The following RICTOR variants were observed in gnomAD, a reference collection of about 807,000 sequenced individuals.
RICTOR encodes the protein rapamycin-insensitive companion of mTOR.
RICTOR carries 49 observed loss-of-function variants against 214.9 expected under a neutral mutation model. The observed-to-expected ratio is 0.23, with a 90% CI of 0.18 to 0.29. RICTOR has a LOEUF of 0.29. Among genes scored for constraint, RICTOR ranks in the 10% least tolerant of loss-of-function variants. The pLI is 1.00. For missense variants in RICTOR, 1,625 were observed against 2,047.0 expected, an observed-to-expected ratio of 0.79 and a Z score of 3.98; for synonymous variants, 717 against 711.3, an observed-to-expected ratio of 1.01 and a Z score of -0.13.
intron 2 of RICTOR, 59 bp downstream of exon 2, chr5:39,074,052 C>T: frequency 7.2e-7 from 1 of 1,394,626 alleles, no homozygotes; most frequent in Non-Finnish European, 9.6e-7. Flanking sequence ...GCCCCCAGCC[C>T]CGGACCCGGC....
At chr5:39,046,414 A>G (rs1197513924) in intron 2 of RICTOR, among the ~76,000 whole-genome samples, 1 of 146,512 alleles carries the variant, frequency 6.8e-6, no homozygotes, top group Non-Finnish European at 1.5e-5. Context: ...TGCTTTGCCC[A>G]TTGTTTTCTA....
At chr5:39,049,176 C>G (rs1053503196) in intron 2 of RICTOR, among the ~76,000 whole-genome samples, 11 of 152,106 alleles carry the variant, frequency 7.2e-5, no homozygotes, top group African/African-American at 2.7e-4. Flanking sequence ...CCCACTAACT[C>G]ATCCAACCAA....
At position 38,942,821 on chromosome 5, in the gene RICTOR, A is replaced by G. The variant is rs778025826; in HGVS notation, c.5052+12T>C. On this transcript the variant is annotated intron_variant, in intron 37 of 37. Coordinates refer to ENST00000357387, the MANE Select transcript of RICTOR (RefSeq NM_152756.5). ...TTGGAAGATAAATTTGAGAAGTACT[A>G]ATCATACTTACTTGTAGAAACTGTA... The G allele has an allele frequency of 9.5e-6, 15 of 1,574,572 alleles. No homozygotes were observed. In the South Asian group the frequency reaches 1.3e-4, roughly 14 times the overall value.
intron 2 of RICTOR, among the ~76,000 whole-genome samples, chr5:39,049,262 A>G (rs1757692431): frequency 6.6e-6 from 1 of 152,148 alleles, no homozygotes; most frequent in African/African-American, 2.4e-5. Flanking sequence ...ACAAGTAAAC[A>G]GCAAAATAAG....
At chr5:39,014,588 A>G (rs1396100824) in intron 3 of RICTOR, among the ~76,000 whole-genome samples, 1 of 152,192 alleles carries the variant, frequency 6.6e-6, no homozygotes, top group Non-Finnish European at 1.5e-5. Flanking sequence ...ATAGGAAAAG[A>G]GAACTTTTAA....
chr5:39,000,285 C>G (rs1580060294), intron 5 of RICTOR, among the ~76,000 whole-genome samples: 1 of 151,446 alleles, frequency 6.6e-6, no homozygotes, highest in Non-Finnish European at 1.5e-5. Context: ...AATATGAAAA[C>G]AAGGCCATAT....
intron 10 of RICTOR, among the ~76,000 whole-genome samples, chr5:38,973,789 T>C (rs552957114): frequency 1.3e-5 from 2 of 152,300 alleles, no homozygotes; most frequent in South Asian, 2.1e-4. Context: ...TGTGCTAATA[T>C]GGAAAACAGG....
rs1445301633 is a variant in RICTOR at position 38,957,655 on chromosome 5, G to A, written c.2496C>T (p.His832=). The A allele has an allele frequency of 2.0e-6, 3 of 1,518,566 alleles. No homozygotes were observed. Among genetic ancestry groups the A allele is most frequent in the Non-Finnish European group, 2.7e-6 (3 of 1,101,774 alleles). The allele number at this position is 1,518,566 out of a possible 1,614,324, so 94.1% of individuals were successfully genotyped here. ...GYVAKQLEKW[H]REYNSKYVDL... ...CTTTATTCAAATAAGAAGTTACCCT[G>A]TGCCACTTTTCCAATTGTTTTGCTA... Residue 832 remains histidine, a synonymous_variant, in exon 25 of 38, where the codon CAC becomes CAT. Transcript: ENST00000357387.
chr5:39,028,550 A>C (rs1285714070), intron 2 of RICTOR, among the ~76,000 whole-genome samples: 1 of 152,170 alleles, frequency 6.6e-6, no homozygotes, highest in African/African-American at 2.4e-5. Flanking sequence ...TTGGCAACAT[A>C]CATCTGTCAA....
chr5:38,948,977 A>G (rs1038377572), intron 31 of RICTOR, among the ~76,000 whole-genome samples: 2 of 152,096 alleles, frequency 1.3e-5, no homozygotes, highest in Admixed American at 1.3e-4. Context: ...ATTCTAACAT[A>G]TATTGTTGAC....
intron 11 of RICTOR, 132 bp downstream of exon 11, chr5:38,971,745 C>G (rs2150042010): frequency 1.7e-6 from 1 of 589,242 alleles, no homozygotes; most frequent in South Asian, 2.1e-5. Context: ...ATATTTACTT[C>G]TGTATTTTAA....
At chr5:38,967,495 C>T in intron 12 of RICTOR, 68 bp from the exon 13 acceptor site, 1 of 1,171,280 alleles carries the variant, frequency 8.5e-7, no homozygotes, top group Non-Finnish European at 1.2e-6. Flanking sequence ...AAGTATAAAA[C>T]CATCAGCTAG....
intron 2 of RICTOR, among the ~76,000 whole-genome samples, chr5:39,040,239 T>C (rs1484117160): frequency 1.4e-5 from 2 of 146,792 alleles, no homozygotes; most frequent in Non-Finnish European, 3.0e-5. Context: ...ACACCACATG[T>C]TCTCACTCAT....
intron 20 of RICTOR, 74 bp from the exon 21 acceptor site, chr5:38,960,052 G>A (rs771699701): frequency 2.7e-5 from 28 of 1,041,770 alleles, no homozygotes; most frequent in Non-Finnish European, 4.2e-5. Context: ...CTTCAATCAA[G>A]TACAAAAACT....
intron 3 of RICTOR, among the ~76,000 whole-genome samples, chr5:39,007,215 A>T (rs1754154300): frequency 6.6e-6 from 1 of 152,142 alleles, no homozygotes; most frequent in South Asian, 2.1e-4. Flanking sequence ...AAACAACAGA[A>T]ATGTACTTTT....
At position 38,939,012 on chromosome 5, in the gene RICTOR, C is replaced by T. The variant is rs183334869; in HGVS notation, c.*3292G>A. 60 of 233,018 alleles carry T rather than the reference C, an allele frequency of 2.6e-4. No individual in the cohort carries two copies. The highest frequency in any genetic ancestry group is 1.2e-3 in the African/African-American group (54 of 45,410). The allele number at this position is 233,018 out of a possible 1,614,324, so 14.4% of individuals were successfully genotyped here. ...AAAACCTTACTTCCAAAGAACATTT[C>T]CCAAAGTAGTTTACAAAGTTCATCT... On this transcript the variant is annotated 3_prime_UTR_variant, in exon 38 of 38. Transcript: ENST00000357387.
rs1491035987 is a variant in RICTOR at position 38,940,141 on chromosome 5, AAC to A, written c.*2161_*2162del. 3.2e-4 allele frequency: 65 copies of A among 205,884 alleles called. No individual in the cohort carries two copies. Among genetic ancestry groups the A allele is most frequent in the South Asian group, 1.0e-3 (5 of 4,804 alleles). 12.8% of individuals were successfully genotyped at this position (205,884 alleles called of 1,614,324 possible). The stretch of plus-strand genomic sequence containing the variant: ...TTTCAAAGTAACAGTAAAAAAAAAA[AAC>A]AAAAAAAAAAACACAAAACATTCAG... On this transcript the variant is annotated 3_prime_UTR_variant, in exon 38 of 38. Transcript: ENST00000357387.
At chr5:39,026,962 C>T (rs561789926) in intron 2 of RICTOR, among the ~76,000 whole-genome samples, 21 of 151,960 alleles carry the variant, frequency 1.4e-4, no homozygotes, top group East Asian at 1.2e-3. Context: ...GAGCCGAGAT[C>T]GCACCATTGC....
At chr5:39,065,257 G>A in intron 2 of RICTOR, among the ~76,000 whole-genome samples, 1 of 152,126 alleles carries the variant, frequency 6.6e-6, no homozygotes, top group East Asian at 1.9e-4. Flanking sequence ...GAGCAAGAGG[G>A]AGCTGGGGGG....
Sources: gnomAD v4.1 joint callset for allele counts (sites outside exome capture counted in the v4.1 genomes callset) on GRCh38, gnomAD v4.1.1 for gene constraint, MANE v1.5 for transcripts, NCBI Gene and HGNC (gene_info 2026-07-23, HGNC 2026-07-21) for gene names.